Variants in PGR observed in about 807,000 individuals in gnomAD.
PGR encodes progesterone receptor.
A neutral mutation model predicts 76.1 loss-of-function variants in PGR; 25 were observed. The observed-to-expected ratio is 0.33, with a 90% CI of 0.24 to 0.46. PGR has a LOEUF of 0.46. Ranked by LOEUF, PGR falls within the 20% of genes least tolerant of loss-of-function variation. The pLI, the probability that PGR is intolerant of heterozygous loss-of-function variation, is 1.00. For synonymous variants in PGR, 579 were observed against 535.0 expected (o/e 1.08, Z -1.14); for missense variants, 1,172 against 1,225.3 (o/e 0.96, Z 0.65).
At chr11:101,079,383 GTTAA>G (rs1861229519) in intron 3 of PGR, among the ~76,000 whole-genome samples, 1 of 151,540 alleles carries the variant, frequency 6.6e-6, no homozygotes. Flanking sequence ...CTGACAAGGA[GTTAA>G]TTATCAGAAT....
Position 101,062,552 on chromosome 11 carries a change from G to A in PGR, c.2107C>T (p.His703Tyr), listed in dbSNP as rs1222662053. ...SIEPDVIYAG[H>Y]DNTKPDTSSS... Reference sequence around the variant, plus strand: ...GAGGTGTCAGGTTTTGTGTTGTCATGTCCTGCATAGATCACATCTGGTTCA... The same window carrying A: ...GAGGTGTCAGGTTTTGTGTTGTCATATCCTGCATAGATCACATCTGGTTCA... Residue 703 changes from histidine to tyrosine, a missense_variant, in exon 4 of 8, where the codon CAT (histidine) becomes TAT (tyrosine). Physicochemically the swap from His to Tyr is moderately conservative, Grantham distance 83. Around this residue, in one of 4 missense-constraint regions of PGR, gnomAD observed 166 missense variants for 296.0 expected, o/e 0.56. Transcript: ENST00000325455. 6.2e-7 allele frequency: 1 copy of A among 1,613,842 alleles called. No individual in the cohort carries two copies.
intron 3 of PGR, among the ~76,000 whole-genome samples, chr11:101,084,016 G>A (rs1308026205): frequency 6.6e-6 from 1 of 152,108 alleles, no homozygotes; most frequent in Non-Finnish European, 1.5e-5. Flanking sequence ...ACGTTGAATT[G>A]TAATTCCCAA....
At chr11:101,085,662 A>AT (rs371672642) in intron 3 of PGR, among the ~76,000 whole-genome samples, 1 of 151,848 alleles carries the variant, frequency 6.6e-6, no homozygotes, top group Non-Finnish European at 1.5e-5. Context: ...ACCAAAAGTT[A>AT]TTTTTTTAAA....
intron 2 of PGR, among the ~76,000 whole-genome samples, chr11:101,092,739 T>C (rs896015520): frequency 2.6e-5 from 4 of 152,228 alleles, no homozygotes; most frequent in Non-Finnish European, 5.9e-5. Context: ...AGCTTAAACA[T>C]GTAAACGTTA....
chr11:101,073,317 C>T (rs1406334733), intron 3 of PGR, among the ~76,000 whole-genome samples: 1 of 151,732 alleles, frequency 6.6e-6, no homozygotes, highest in Non-Finnish European at 1.5e-5. Flanking sequence ...TGGGACACAG[C>T]TAAAGCAGTG....
chr11:101,057,080 A>G (rs1591376875), intron 4 of PGR, among the ~76,000 whole-genome samples: 1 of 152,322 alleles, frequency 6.6e-6, no homozygotes, highest in Non-Finnish European at 1.5e-5. Context: ...CTTTAACACT[A>G]TAGGCTTGTG....
intron 2 of PGR, among the ~76,000 whole-genome samples, chr11:101,117,303 C>T (rs537681): frequency 0.7 from 106,774 of 151,980 alleles, 39,348 homozygotes; most frequent in Non-Finnish European, 0.83. Flanking sequence ...GTGGGCTGTA[C>T]TTTGTGAACT....
At chr11:101,078,499 GAAGA>G (rs1861197772) in intron 3 of PGR, among the ~76,000 whole-genome samples, 1 of 152,086 alleles carries the variant, frequency 6.6e-6, no homozygotes, top group South Asian at 2.1e-4. Flanking sequence ...ATGTTTTCTA[GAAGA>G]AAGAAGATGG....
chr11:101,094,736 G>C (rs539061978), intron 2 of PGR, among the ~76,000 whole-genome samples: 26 of 152,290 alleles, frequency 1.7e-4, no homozygotes, highest in African/African-American at 6.3e-4. Context: ...CCTACAATTT[G>C]ATAATCATGC....
At chr11:101,066,106 C>T (rs1396054502) in intron 3 of PGR, among the ~76,000 whole-genome samples, 1 of 152,186 alleles carries the variant, frequency 6.6e-6, no homozygotes, top group African/African-American at 2.4e-5. Context: ...GTCCCTCTCA[C>T]ACATAATGTA....
In PGR at chr11:101,129,030, A is replaced by G; in HGVS notation, c.41T>C (p.Val14Ala). The change falls in exon 1 of 8, where the codon GTG becomes GCG. Residue 14 changes from valine to alanine, a missense_variant. Val to Ala is a moderately conservative substitution (Grantham distance 64). Coordinates refer to ENST00000325455, the MANE Select transcript of PGR (RefSeq NM_000926.4). ...LKAKGPRAPH[V>A]AGGPPSPEVG... ...CTCGGGGGAGGGCGGGCCGCCCGCC[A>G]CGTGGGGAGCCCGGGGACCCTTTGC... is the stretch of plus-strand genomic sequence containing the variant. 1 of 1,567,048 alleles carries G rather than the reference A, an allele frequency of 6.4e-7. No individual in the cohort carries two copies. Among genetic ancestry groups the G allele is most frequent in the Non-Finnish European group, 8.6e-7 (1 of 1,156,632 alleles).
chr11:101,111,110 GTTGTC>G (rs1331046212), intron 2 of PGR, among the ~76,000 whole-genome samples: 1 of 152,154 alleles, frequency 6.6e-6, no homozygotes, highest in Non-Finnish European at 1.5e-5. Flanking sequence ...CTTTATTGTA[GTTGTC>G]TAGAACAGAA....
chr11:101,127,768 C>G lies in PGR; in HGVS notation c.1303G>C (p.Gly435Arg), dbSNP rs781055805. 11 of 1,562,408 alleles carry G rather than the reference C, an allele frequency of 7.0e-6. No homozygotes were observed. Among genetic ancestry groups the G allele is most frequent in the Non-Finnish European group, 8.6e-6 (10 of 1,162,616 alleles). Residue 435 changes from glycine to arginine, a missense_variant, in exon 1 of 8, where the codon GGG becomes CGG. Around this residue, in one of 4 missense-constraint regions of PGR, gnomAD observed 893 missense variants for 785.9 expected, o/e 1.14. Coordinates refer to ENST00000325455, the MANE Select transcript of PGR (RefSeq NM_000926.4). ...LPPRATPSRP[G>R]EAAVTAAPAS... is the part of the protein sequence containing the mutation. ...GGTGCGGCCGTCACCGCCGCTTCCCCGGGTCTGGATGGGGTCGCTCGCGGC... is the reference window on the plus strand; with the variant it reads ...GGTGCGGCCGTCACCGCCGCTTCCCGGGGTCTGGATGGGGTCGCTCGCGGC...
chr11:101,097,978 G>A lies in PGR; in HGVS notation c.1790-6102C>T, dbSNP rs570601600. Reference sequence around the variant, plus strand: ...TTTTTAGTAGAGATGGGGTTTCACCGTGTTAGCCAGGATGGTCTCGATCTC... The same window carrying A: ...TTTTTAGTAGAGATGGGGTTTCACCATGTTAGCCAGGATGGTCTCGATCTC... On this transcript the variant is annotated intron_variant, in intron 2 of 7. Coordinates refer to ENST00000325455, the MANE Select transcript of PGR (RefSeq NM_000926.4). Among the ~76,000 whole-genome samples, 12 of 151,756 alleles carry A rather than the reference G, an allele frequency of 7.9e-5. No individual in the cohort carries two copies. The East Asian group carries it at 9.7e-4, about 12-fold the overall frequency.
intron 3 of PGR, among the ~76,000 whole-genome samples, chr11:101,090,445 G>A (rs1861643851): frequency 6.6e-6 from 1 of 152,160 alleles, no homozygotes; most frequent in Non-Finnish European, 1.5e-5. Flanking sequence ...AGAAAACAAT[G>A]GCTGCGCCAG....
chr11:101,108,248 T>TAAAA (rs550121348), intron 2 of PGR, among the ~76,000 whole-genome samples: 14 of 115,384 alleles, frequency 1.2e-4, no homozygotes, highest in African/African-American at 3.7e-4. Context: ...AGACTCCGTC[T>TAAAA]AAAAAAAAAA....
rs748902142 is a variant in PGR at position 101,128,193 on chromosome 11, C to T, written c.878G>A (p.Arg293His). 10 of 1,598,282 alleles carry T rather than the reference C, an allele frequency of 6.3e-6. No individual in the cohort carries two copies. In the East Asian group the frequency reaches 1.3e-4, roughly 21 times the overall value. ...CATCACCGTGGTGGCCAGCGGGGAG[C>T]GCCCGGGCGCCATCGGCGCGTCCTG... The part of the protein sequence containing the change: ...VEQDAPMAPG[R>H]SPLATTVMDF... Residue 293 changes from arginine (R) to histidine (H), a missense_variant, in exon 1 of 8, where the codon CGC becomes CAC. Coordinates refer to ENST00000325455, the MANE Select transcript of PGR (RefSeq NM_000926.4).
In PGR at chr11:101,113,439, T is replaced by TC. The variant is rs10677881; in HGVS notation, c.1789+12567_1789+12568insG. ...ACCATGCCTGGCTATTTTTTTTTTT[T>TC]GTATTTTTAGTAGAGACGGGGTTTC... On this transcript the variant is annotated intron_variant, in intron 2 of 7. Coordinates refer to ENST00000325455, the MANE Select transcript of PGR (RefSeq NM_000926.4). 5.6e-4 allele frequency among the ~76,000 whole-genome samples: 84 copies of TC among 151,242 alleles called. 1 individual carries two copies. The highest frequency in any genetic ancestry group is 4.8e-3 in the Admixed American group (73 of 15,168).
Position 101,030,408 on chromosome 11 carries a change from A to G in PGR, c.*8708T>C. ...AAATACATGATCACTTAATTTTTAC[A>G]GTTTTGCATCTGTTACCAGCCAGTG... On this transcript the variant is annotated 3_prime_UTR_variant, in exon 8 of 8. Coordinates refer to ENST00000325455, the MANE Select transcript of PGR (RefSeq NM_000926.4). 1 of 230,080 alleles carries G rather than the reference A, an allele frequency of 4.3e-6. No homozygotes were observed. Among genetic ancestry groups the G allele is most frequent in the Non-Finnish European group, 8.6e-6 (1 of 116,068 alleles). 14.3% of individuals were successfully genotyped at this position (230,080 alleles called of 1,614,324 possible). A position where few individuals can be genotyped will look rare whatever the true frequency, so the allele number is the denominator to read the frequency against.
Sources: allele counts gnomAD v4.1 joint callset (sites outside exome capture counted in the v4.1 genomes callset), GRCh38; gene constraint gnomAD v4.1.1; regional missense constraint gnomAD v4.1.1; transcripts MANE v1.5; gene names NCBI Gene and HGNC (gene_info 2026-07-23, HGNC 2026-07-21).